WASF2: variants seen among roughly 807,000 people sequenced by gnomAD.
WASF2 encodes WASP family member 2.
WASF2 carries 14 observed loss-of-function variants against 45.0 expected under a neutral mutation model. The observed-to-expected ratio is 0.31, with a 90% CI of 0.21 to 0.49. WASF2 has a LOEUF of 0.49. Among genes scored for constraint, WASF2 ranks in the 20% least tolerant of loss-of-function variants. The pLI, the probability that WASF2 is intolerant of heterozygous loss-of-function variation, is 0.99. For missense variants in WASF2, 439 were observed against 636.1 expected (o/e 0.69, Z 3.33); for synonymous variants, 200 against 236.3 (o/e 0.85, Z 1.41).
In WASF2 at chr1:27,428,822, G is replaced by A. The variant is rs1382137127; in HGVS notation, c.69C>T (p.Ser23=). The A allele has an allele frequency of 2.5e-6, 4 of 1,614,028 alleles. No individual in the cohort carries two copies. The highest frequency in any genetic ancestry group is 1.3e-5 in the African/African-American group (1 of 74,914). Reference sequence around the variant, plus strand: ...TGATGTTGGTCACGCATTCCAGCTCGCTTCTAACGCTAGGCAACGTCTGAC... The same window carrying A: ...TGATGTTGGTCACGCATTCCAGCTCACTTCTAACGCTAGGCAACGTCTGAC... ...LCRQTLPSVR[S]ELECVTNITL... Residue 23 remains serine, a synonymous_variant, in exon 2 of 9, where the codon AGC becomes AGT. Coordinates refer to ENST00000618852, the MANE Select transcript of WASF2 (RefSeq NM_006990.5).
intron 6 of WASF2, among the ~76,000 whole-genome samples, chr1:27,414,000 G>A (rs1181942693): frequency 1.3e-5 from 2 of 152,202 alleles, no homozygotes; most frequent in African/African-American, 2.4e-5. Flanking sequence ...TCATGGTAGA[G>A]TTATTTCTAA....
intron 1 of WASF2, among the ~76,000 whole-genome samples, chr1:27,473,178 A>T (rs754977963): frequency 9.2e-5 from 14 of 152,038 alleles, no homozygotes; most frequent in South Asian, 4.1e-4. Flanking sequence ...ATTTAAATAG[A>T]CATATAAATA....
intron 1 of WASF2, among the ~76,000 whole-genome samples, chr1:27,455,741 G>A (rs1213346354): frequency 1.3e-5 from 2 of 151,960 alleles, no homozygotes; most frequent in African/African-American, 2.4e-5. Flanking sequence ...ACGCTTCCCG[G>A]CCCAGTTCAA....
intron 1 of WASF2, among the ~76,000 whole-genome samples, chr1:27,477,080 A>C (rs1440393844): frequency 6.6e-6 from 1 of 152,204 alleles, no homozygotes; most frequent in Non-Finnish European, 1.5e-5. Flanking sequence ...AACACAGAAC[A>C]TATTATCCTA....
chr1:27,431,709 G>A (rs2017064764), intron 1 of WASF2, among the ~76,000 whole-genome samples: 1 of 152,170 alleles, frequency 6.6e-6, no homozygotes, highest in Non-Finnish European at 1.5e-5. Context: ...ATAAATTTCA[G>A]ATTGAGGGTG....
chr1:27,447,769 G>A (rs1397080794), intron 1 of WASF2, among the ~76,000 whole-genome samples: 2 of 152,116 alleles, frequency 1.3e-5, no homozygotes, highest in Non-Finnish European at 2.9e-5. Flanking sequence ...TAGGTAAAAG[G>A]TACACAAGCA....
chr1:27,411,675 A>C (rs952015963), intron 7 of WASF2, among the ~76,000 whole-genome samples: 2 of 152,136 alleles, frequency 1.3e-5, no homozygotes, highest in Admixed American at 6.5e-5. Context: ...CATCCTGGCT[A>C]ACATGGTGAA....
At chr1:27,488,611 T>C (rs1171224966) in intron 1 of WASF2, among the ~76,000 whole-genome samples, 1 of 152,182 alleles carries the variant, frequency 6.6e-6, no homozygotes, top group African/African-American at 2.4e-5. Flanking sequence ...CAAAGGGACT[T>C]TTACGACTTA....
rs1259313832 is a variant in WASF2 at position 27,444,157 on chromosome 1, G to A, written c.-43-15224C>T. 3.3e-5 allele frequency among the ~76,000 whole-genome samples: 5 copies of A among 152,270 alleles called. No individual in the cohort carries two copies. The East Asian group carries it at 9.6e-4, about 29-fold the overall frequency. On this transcript the variant is annotated intron_variant, in intron 1 of 8. Coordinates refer to ENST00000618852, the MANE Select transcript of WASF2 (RefSeq NM_006990.5). ...GTGCAGTGGTGTGAACGTGACTCAT[G>A]CAGCTTCAGTCTCCTGGGCTCAAGC...
At chr1:27,433,213 G>A (rs1167229210) in intron 1 of WASF2, among the ~76,000 whole-genome samples, 4 of 152,170 alleles carry the variant, frequency 2.6e-5, no homozygotes, top group African/African-American at 9.7e-5. Context: ...CTGTGATCCT[G>A]GACCTCCTGA....
At chr1:27,429,128 T>C (rs1470980204) in intron 1 of WASF2, among the ~76,000 whole-genome samples, 195 bp from the exon 2 acceptor site, 1 of 136,656 alleles carries the variant, frequency 7.3e-6, no homozygotes, top group Non-Finnish European at 1.6e-5. Context: ...AGGTTTGCTA[T>C]TAGAAGATCT....
chr1:27,425,476 T>C (rs1208605350), intron 2 of WASF2, among the ~76,000 whole-genome samples: 1 of 150,912 alleles, frequency 6.6e-6, no homozygotes, highest in Non-Finnish European at 1.5e-5. Context: ...GCTGAGGCGG[T>C]TGGATCACCT....
chr1:27,463,890 C>G (rs1286806903), intron 1 of WASF2, among the ~76,000 whole-genome samples: 3 of 150,776 alleles, frequency 2.0e-5, no homozygotes, highest in African/African-American at 7.3e-5. Flanking sequence ...GCAACCTCAG[C>G]CTCCCGAGTT....
intron 1 of WASF2, among the ~76,000 whole-genome samples, chr1:27,473,913 C>A (rs752607292): frequency 5.0e-4 from 76 of 152,196 alleles, no homozygotes; most frequent in Non-Finnish European, 1.0e-3. Flanking sequence ...CCATCAATCA[C>A]ACACGCACCC....
intron 1 of WASF2, among the ~76,000 whole-genome samples, chr1:27,480,719 G>A (rs2017835114): frequency 6.6e-6 from 1 of 151,848 alleles, no homozygotes; most frequent in African/African-American, 2.4e-5. Context: ...ACATATTTAA[G>A]AATGCATGTG....
intron 2 of WASF2, among the ~76,000 whole-genome samples, chr1:27,427,290 C>A (rs1300711474): frequency 6.6e-6 from 1 of 152,080 alleles, no homozygotes; most frequent in Non-Finnish European, 1.5e-5. Flanking sequence ...ATCAACACCA[C>A]CCTGGAAAAA....
At chr1:27,430,271 T>C (rs189949399) in intron 1 of WASF2, among the ~76,000 whole-genome samples, 21 of 152,352 alleles carry the variant, frequency 1.4e-4, no homozygotes, top group Admixed American at 1.4e-3. Flanking sequence ...AACAGCCTAA[T>C]GGTTTTCATG....
Position 27,414,855 on chromosome 1 carries a change from T to C in WASF2, c.646A>G (p.Lys216Glu). ...TACCCAGAAGTCCCCAGCTTTTCTTTGGACTCCACAAATTCTTGCCCCATC... is the reference window on the plus strand; with the variant it reads ...TACCCAGAAGTCCCCAGCTTTTCTTCGGACTCCACAAATTCTTGCCCCATC... ...MKMGQEFVES[K>E]EKLGTSGYPP... is the part of the protein sequence containing the mutation. Residue 216 changes from lysine (K) to glutamate (E), a missense_variant, in exon 6 of 9, where the codon AAA becomes GAA. Coordinates refer to ENST00000618852, the MANE Select transcript of WASF2 (RefSeq NM_006990.5). This position sits in a 1 kb window ranked among gnomAD's most constrained non-coding sequence, Gnocchi z 4.1. 1.2e-6 allele frequency: 2 copies of C among 1,614,200 alleles called. No individual in the cohort carries two copies. Among genetic ancestry groups the C allele is most frequent in the Non-Finnish European group, 1.7e-6 (2 of 1,180,020 alleles).
At chr1:27,474,958 A>G (rs1438283981) in intron 1 of WASF2, among the ~76,000 whole-genome samples, 1 of 151,638 alleles carries the variant, frequency 6.6e-6, no homozygotes, top group Non-Finnish European at 1.5e-5. Context: ...TCTCAAAAAC[A>G]AAACAAAACA....
Sources: allele counts gnomAD v4.1 joint callset (sites outside exome capture counted in the v4.1 genomes callset), GRCh38; gene constraint gnomAD v4.1.1; non-coding constraint Gnocchi (gnomAD v3.1); transcripts MANE v1.5; gene names NCBI Gene and HGNC (gene_info 2026-07-23, HGNC 2026-07-21).